Variants in FOXN1 observed in about 807,000 individuals in gnomAD.
The protein encoded by FOXN1 is forkhead box N1, also known as forkhead box protein N1.
Under a neutral mutation model 49.0 loss-of-function variants are expected in FOXN1, and 15 were observed. The observed-to-expected ratio is 0.31, with a 90% CI of 0.20 to 0.47. FOXN1 has a LOEUF of 0.47. Among genes scored for constraint, FOXN1 ranks in the 20% least tolerant of loss-of-function variants. FOXN1 has a pLI of 1.00. For missense variants in FOXN1, 800 were observed against 842.8 expected (o/e 0.95, Z 0.63); for synonymous variants, 356 against 369.0 (o/e 0.96, Z 0.40).
At chr17:28,520,715 G>A (rs182193053) in intron 1 of FOXN1, among the ~76,000 whole-genome samples, 12 of 152,330 alleles carry the variant, frequency 7.9e-5, no homozygotes, top group African/African-American at 2.6e-4. Flanking sequence ...CTGGAGAATA[G>A]GGAACAGGTG....
Position 28,524,085 on chromosome 17 carries a change from C to G in FOXN1, c.116C>G (p.Pro39Arg). ...QAPGLPGSPA[P>R]QSKHAGFSCS... ...CCGGGCCTCCCAGGCTCCCCTGCCC[C>G]ACAGAGTGTAAGTACCCGGCATCTG... The change falls in exon 2 of 9, where the codon CCA becomes CGA. Residue 39 changes from proline to arginine, a missense_variant. Physicochemically the swap from Pro to Arg is moderately radical, Grantham distance 103. This residue lies in a region of FOXN1 where 383 missense variants were observed against 357.9 expected (regional missense o/e 1.07). Transcript: ENST00000579795. The G allele has an allele frequency of 6.2e-7, 1 of 1,601,064 alleles. No individual in the cohort carries two copies. Among genetic ancestry groups the G allele is most frequent in the South Asian group, 1.1e-5 (1 of 89,834 alleles).
At chr17:28,525,640 C>T (rs2069750093) in intron 3 of FOXN1, among the ~76,000 whole-genome samples, 1 of 152,176 alleles carries the variant, frequency 6.6e-6, no homozygotes, top group Admixed American at 6.5e-5. Flanking sequence ...CCCTGCTCCC[C>T]CGCTCTGGTT....
In FOXN1 at chr17:28,535,007, T is replaced by C. The variant is rs1489958411; in HGVS notation, c.1436T>C (p.Leu479Pro). The C allele has an allele frequency of 6.2e-6, 10 of 1,613,830 alleles. No individual in the cohort carries two copies. The highest frequency in any genetic ancestry group is 6.8e-6 in the Non-Finnish European group (8 of 1,179,896). ...TTGTTCCCACAGCCGGACGGGCACCTTGAGCTGCGGGCCCAGCCAGGCACC... is the reference window on the plus strand; with the variant it reads ...TTGTTCCCACAGCCGGACGGGCACCCTGAGCTGCGGGCCCAGCCAGGCACC... ...QPLFPQPDGH[L>P]ELRAQPGTPQ... The change falls in exon 8 of 9, where the codon CTT (leucine) becomes CCT (proline). Residue 479 changes from leucine to proline, a missense_variant. Leu to Pro is a moderately conservative substitution (Grantham distance 98, BLOSUM62 -3). This residue lies in a region of FOXN1 where 344 missense variants were observed against 366.1 expected (regional missense o/e 0.94). Coordinates refer to ENST00000579795, the MANE Select transcript of FOXN1 (RefSeq NM_001369369.1).
chr17:28,519,937 C>A (rs1355856700), intron 1 of FOXN1, among the ~76,000 whole-genome samples: 1 of 152,142 alleles, frequency 6.6e-6, no homozygotes, highest in Non-Finnish European at 1.5e-5. Flanking sequence ...CCGATCCCCC[C>A]ACCCCCATAA....
chr17:28,518,072 C>T (rs917057617), intron 1 of FOXN1, among the ~76,000 whole-genome samples: 16 of 151,704 alleles, frequency 1.1e-4, no homozygotes, highest in Non-Finnish European at 1.8e-4. Context: ...ACAGGATACA[C>T]ACCTCCACAG....
intron 1 of FOXN1, among the ~76,000 whole-genome samples, chr17:28,509,523 G>A (rs1260914891): frequency 6.6e-6 from 1 of 152,186 alleles, no homozygotes; most frequent in Non-Finnish European, 1.5e-5. Context: ...GTTCTGGGGT[G>A]TCCCCCAGGT....
chr17:28,528,999 G>A, intron 4 of FOXN1, 95 bp from the exon 5 acceptor site: 2 of 1,535,476 alleles, frequency 1.3e-6, no homozygotes, highest in South Asian at 1.1e-5. Context: ...AATCTGGCCT[G>A]AGCCCCTTCT....
At chr17:28,523,757 C>G (rs942188474) in intron 1 of FOXN1, among the ~76,000 whole-genome samples, 199 bp from the exon 2 acceptor site, 1 of 151,402 alleles carries the variant, frequency 6.6e-6, no homozygotes, top group African/African-American at 2.4e-5. Context: ...CTCTGCTTTT[C>G]CAAACTATTT....
chr17:28,513,184 G>A (rs369767627), intron 1 of FOXN1, among the ~76,000 whole-genome samples: 3 of 152,136 alleles, frequency 2.0e-5, no homozygotes, highest in Admixed American at 6.5e-5. Flanking sequence ...CAGGAGAATC[G>A]CTTGAACCCA....
intron 1 of FOXN1, among the ~76,000 whole-genome samples, chr17:28,523,529 C>A (rs1440131218): frequency 6.6e-6 from 1 of 152,188 alleles, no homozygotes; most frequent in Non-Finnish European, 1.5e-5. Context: ...TGCCCAGTCA[C>A]TGAATGGAGA....
In FOXN1 at chr17:28,537,853, C is replaced by T. The variant is rs1364724478; in HGVS notation, c.*417C>T. ...TTCTGGGGCAACTGAGAGCTGAGCG[C>T]TTTGCTTACCAAAAGCTCAGGGCCC... On this transcript the variant is annotated 3_prime_UTR_variant, in exon 9 of 9. Coordinates refer to ENST00000579795, the MANE Select transcript of FOXN1 (RefSeq NM_001369369.1). 3.4e-6 allele frequency: 1 copy of T among 295,644 alleles called. No homozygotes were observed. Among genetic ancestry groups the T allele is most frequent in the African/African-American group, 2.2e-5 (1 of 46,288 alleles). The allele number at this position is 295,644 out of a possible 1,614,324, so 18.3% of individuals were successfully genotyped here. A position where few individuals can be genotyped will look rare whatever the true frequency, so the allele number is the denominator to read the frequency against.
At position 28,524,021 on chromosome 17, in the gene FOXN1, A is replaced by G; in HGVS notation, c.52A>G (p.Arg18Gly). The G allele has an allele frequency of 1.9e-6, 3 of 1,612,768 alleles. No individual in the cohort carries two copies. Among genetic ancestry groups the G allele is most frequent in the Non-Finnish European group, 2.5e-6 (3 of 1,179,912 alleles). Residue 18 changes from arginine to glycine, a missense_variant, in exon 2 of 9, where the codon AGA (arginine) becomes GGA (glycine). This residue lies in a region of FOXN1 where 383 missense variants were observed against 357.9 expected (regional missense o/e 1.07). Coordinates refer to ENST00000579795, the MANE Select transcript of FOXN1 (RefSeq NM_001369369.1). ...TGACGTCACGCTGCCGGGCCCCACC[A>G]GACTGGAGGGCGAGCGCCAAGGGGA... is the stretch of plus-strand genomic sequence containing the variant. ...QSDVTLPGPT[R>G]LEGERQGDLM...
chr17:28,537,677 C>A lies in FOXN1; in HGVS notation c.*241C>A. 1.7e-6 allele frequency: 1 copy of A among 601,758 alleles called. No individual in the cohort carries two copies. The highest frequency in any genetic ancestry group is 1.9e-5 in the South Asian group (1 of 52,704). 37.3% of individuals were successfully genotyped at this position (601,758 alleles called of 1,614,324 possible). ...TCACCCAGGGCCCCCAAAGAGCAAG[C>A]GTCTGGGCAAGAGGAAAATGCCCTG... On this transcript the variant is annotated 3_prime_UTR_variant, in exon 9 of 9. Coordinates refer to ENST00000579795, the MANE Select transcript of FOXN1 (RefSeq NM_001369369.1).
chr17:28,514,896 C>G (rs975472792), intron 1 of FOXN1, among the ~76,000 whole-genome samples: 4 of 152,080 alleles, frequency 2.6e-5, no homozygotes, highest in Non-Finnish European at 5.9e-5. Context: ...CCCCACCCAC[C>G]TTTCAGGCTT....
Position 28,534,872 on chromosome 17 carries a change from C to T in FOXN1, c.1301C>T (p.Pro434Leu), listed in dbSNP as rs1201815564. 1 of 1,614,130 alleles carries T rather than the reference C, an allele frequency of 6.2e-7. No individual in the cohort carries two copies. Among genetic ancestry groups the T allele is most frequent in the South Asian group, 1.1e-5 (1 of 91,086 alleles). The change falls in exon 8 of 9, where the codon CCT becomes CTT. Residue 434 changes from proline (P) to leucine (L), a missense_variant. Physicochemically the swap from Pro to Leu is moderately conservative, Grantham distance 98. Coordinates refer to ENST00000579795, the MANE Select transcript of FOXN1 (RefSeq NM_001369369.1). The surrounding 1 kb of genome is among the most constrained non-coding windows in gnomAD (Gnocchi z 4.1). ...HSLHPAPGPI[P>L]GKNPLQDLLM... ...CTCCACCCAGCTCCAGGCCCCATTC[C>T]TGGCAAGAACCCCCTGCAGGACCTA...
At position 28,524,104 on chromosome 17, in the gene FOXN1, G is replaced by A. The variant is rs758745653; in HGVS notation, c.123+12G>A. 1.3e-6 allele frequency: 2 copies of A among 1,582,822 alleles called. No homozygotes were observed. The highest frequency in any genetic ancestry group is 1.7e-6 in the Non-Finnish European group (2 of 1,165,142). On this transcript the variant is annotated intron_variant, in intron 2 of 8. Coordinates refer to ENST00000579795, the MANE Select transcript of FOXN1 (RefSeq NM_001369369.1). ...CTGCCCCACAGAGTGTAAGTACCCG[G>A]CATCTGGGCCTGGGTTTAGGCCAAG... is the stretch of plus-strand genomic sequence containing the variant.
chr17:28,534,269 C>T lies in FOXN1; in HGVS notation c.928-62C>T, dbSNP rs1397839789. 3.3e-5 allele frequency: 54 copies of T among 1,612,420 alleles called. No individual in the cohort carries two copies. Among genetic ancestry groups the T allele is most frequent in the Non-Finnish European group, 4.4e-5 (52 of 1,179,784 alleles). On this transcript the variant is annotated intron_variant, in intron 6 of 8. Coordinates refer to ENST00000579795, the MANE Select transcript of FOXN1 (RefSeq NM_001369369.1). This position sits in a 1 kb window ranked among gnomAD's most constrained non-coding sequence, Gnocchi z 4.1. The stretch of plus-strand genomic sequence containing the variant: ...AAACAGGAGTGTTCTAGAACCCAGA[C>T]CTGAAGCCCGCTCTGGCTTCCTGAG...
intron 6 of FOXN1, 145 bp downstream of exon 6, chr17:28,530,990 C>A: frequency 3.0e-6 from 2 of 669,356 alleles, no homozygotes; most frequent in Non-Finnish European, 2.7e-6. Flanking sequence ...TTTCCGTTGT[C>A]TCCACCTCAG....
chr17:28,527,061 C>T (rs1423473946), intron 3 of FOXN1, among the ~76,000 whole-genome samples, 190 bp from the exon 4 acceptor site: 3 of 152,230 alleles, frequency 2.0e-5, no homozygotes, highest in African/African-American at 7.2e-5. Context: ...TCAGTTCCAG[C>T]CCCGGCTCTA....
Sources: allele counts gnomAD v4.1 joint callset (sites outside exome capture counted in the v4.1 genomes callset), GRCh38; gene constraint gnomAD v4.1.1; regional missense constraint gnomAD v4.1.1; non-coding constraint Gnocchi (gnomAD v3.1); transcripts MANE v1.5; gene names NCBI Gene and HGNC (gene_info 2026-07-23, HGNC 2026-07-21).